Variants in OXR1 observed in about 807,000 individuals in gnomAD.
OXR1 encodes oxidation resistance protein 1.
OXR1 carries 41 observed loss-of-function variants against 104.6 expected under a neutral mutation model. The observed-to-expected ratio is 0.39, with a 90% CI of 0.31 to 0.51. The LOEUF is 0.51. Among genes scored for constraint, OXR1 ranks in the 20% least tolerant of loss-of-function variants. OXR1 has a pLI of 0.77. For missense variants in OXR1, 955 were observed against 1,031.9 expected, an observed-to-expected ratio of 0.93 and a Z score of 1.02; for synonymous variants, 348 against 348.4, an observed-to-expected ratio of 1.00 and a Z score of 0.01.
chr8:106,537,630 A>G (rs1178005793), intron 3 of OXR1, among the ~76,000 whole-genome samples: 2 of 152,148 alleles, frequency 1.3e-5, no homozygotes, highest in African/African-American at 2.4e-5. Context: ...ATGTATACCT[A>G]TGTAAGAAAC....
chr8:106,528,041 G>T (rs757300104), intron 3 of OXR1, among the ~76,000 whole-genome samples: 1 of 152,096 alleles, frequency 6.6e-6, no homozygotes, highest in Non-Finnish European at 1.5e-5. Context: ...TTCATAAGAC[G>T]ATACTTAGTT....
chr8:106,578,501 A>G (rs1316348568), intron 3 of OXR1, among the ~76,000 whole-genome samples: 1 of 152,230 alleles, frequency 6.6e-6, no homozygotes, highest in African/African-American at 2.4e-5. Context: ...TTAACTTGCG[A>G]GTAAATGAGT....
Position 106,702,962 on chromosome 8 carries a change from T to A in OXR1, c.732T>A (p.His244Gln), listed in dbSNP as rs767197253. Reference protein sequence around the residue: ...VTPNNIMFDPHKNDPLVQENG... With the variant: ...VTPNNIMFDPQKNDPLVQENG... ...CAAATAATATAATGTTTGATCCACA[T>A]AAAAATGACCCTTTGGTTCAAGAGA... The change falls in exon 8 of 17, where the codon CAT becomes CAA. Residue 244 changes from histidine to glutamine, a missense_variant. Around this residue, in one of 2 missense-constraint regions of OXR1, gnomAD observed 849 missense variants for 852.9 expected, o/e 1.00. Transcript: ENST00000517566. 2.5e-6 allele frequency: 4 copies of A among 1,613,692 alleles called. No homozygotes were observed. In the African/African-American group the frequency reaches 5.3e-5, roughly 22 times the overall value.
intron 1 of OXR1, among the ~76,000 whole-genome samples, chr8:106,293,075 C>CA (rs1366818458): frequency 2.0e-5 from 3 of 151,730 alleles, no homozygotes; most frequent in Non-Finnish European, 4.4e-5. Flanking sequence ...AGGTAATGTG[C>CA]AAAAAATGGT....
intron 3 of OXR1, among the ~76,000 whole-genome samples, chr8:106,616,768 C>T (rs1220128643): frequency 2.6e-5 from 4 of 152,192 alleles, no homozygotes; most frequent in African/African-American, 9.7e-5. Context: ...CACTTCATCA[C>T]CTTGTACTAA....
chr8:106,597,004 GATCGC>G (rs1819583388), intron 3 of OXR1, among the ~76,000 whole-genome samples: 1 of 152,054 alleles, frequency 6.6e-6, no homozygotes, highest in Non-Finnish European at 1.5e-5. Context: ...AGTGAGCTGA[GATCGC>G]ACCACTGCAC....
At chr8:106,459,296 T>C (rs1820778670) in intron 2 of OXR1, among the ~76,000 whole-genome samples, 1 of 152,070 alleles carries the variant, frequency 6.6e-6, no homozygotes, top group Non-Finnish European at 1.5e-5. Context: ...AGGGTAAGTT[T>C]GGCCCCCTTC....
At chr8:106,683,806 C>T (rs532014238) in intron 5 of OXR1, among the ~76,000 whole-genome samples, 1 of 152,292 alleles carries the variant, frequency 6.6e-6, no homozygotes, top group African/African-American at 2.4e-5. Flanking sequence ...ATTGATATAT[C>T]ATACTTATTT....
chr8:106,554,821 A>G (rs1816139310), intron 3 of OXR1, among the ~76,000 whole-genome samples: 1 of 152,276 alleles, frequency 6.6e-6, no homozygotes, highest in African/African-American at 2.4e-5. Context: ...TAATATCTTA[A>G]TGCTCATTCT....
At chr8:106,733,635 C>T (rs1481809519) in intron 11 of OXR1, among the ~76,000 whole-genome samples, 2 of 151,570 alleles carry the variant, frequency 1.3e-5, no homozygotes, top group African/African-American at 4.8e-5. Context: ...GGTGAAACCC[C>T]GTCTCTACAA....
At chr8:106,555,446 G>A (rs141018431) in intron 3 of OXR1, among the ~76,000 whole-genome samples, 24 of 152,224 alleles carry the variant, frequency 1.6e-4, no homozygotes, top group African/African-American at 5.8e-4. Flanking sequence ...ATTATATGCT[G>A]TCTAGAAATT....
intron 2 of OXR1, among the ~76,000 whole-genome samples, chr8:106,442,350 C>T (rs956588470): frequency 6.6e-6 from 1 of 152,202 alleles, no homozygotes; most frequent in Non-Finnish European, 1.5e-5. Context: ...CATCGATATT[C>T]ATCAGGGATA....
intron 2 of OXR1, among the ~76,000 whole-genome samples, chr8:106,508,617 A>AT (rs1812326283): frequency 6.6e-6 from 1 of 152,226 alleles, no homozygotes; most frequent in Non-Finnish European, 1.5e-5. Flanking sequence ...ACAAAATGTC[A>AT]TTTTTACTTA....
intron 10 of OXR1, 27 bp from the exon 11 acceptor site, chr8:106,713,796 T>C: frequency 7.1e-7 from 1 of 1,414,998 alleles, no homozygotes; most frequent in Non-Finnish European, 9.4e-7. Flanking sequence ...GAATACTAGG[T>C]ATATTAATAG....
At chr8:106,743,797 C>T (rs192667429) in intron 15 of OXR1, among the ~76,000 whole-genome samples, 7 of 152,168 alleles carry the variant, frequency 4.6e-5, no homozygotes, top group African/African-American at 7.2e-5. Context: ...GATACATGCA[C>T]ACAAATGTTC....
intron 3 of OXR1, among the ~76,000 whole-genome samples, chr8:106,606,992 G>A (rs1013758854): frequency 1.3e-5 from 2 of 152,180 alleles, no homozygotes; most frequent in Non-Finnish European, 2.9e-5. Flanking sequence ...CCAAATGGGT[G>A]TAGAGCCCTA....
At chr8:106,460,304 T>C (rs1056158446) in intron 2 of OXR1, among the ~76,000 whole-genome samples, 1 of 152,196 alleles carries the variant, frequency 6.6e-6, no homozygotes, top group Non-Finnish European at 1.5e-5. Flanking sequence ...AAAGCTGCCT[T>C]TGTCAGTTTC....
At chr8:106,502,562 C>T (rs1026613549) in intron 2 of OXR1, among the ~76,000 whole-genome samples, 1 of 152,110 alleles carries the variant, frequency 6.6e-6, no homozygotes, top group African/African-American at 2.4e-5. Flanking sequence ...TATTTTTTAG[C>T]TAAATGTATT....
intron 2 of OXR1, among the ~76,000 whole-genome samples, chr8:106,459,963 AGTTGACT>A (rs1266296423): frequency 6.6e-6 from 1 of 152,238 alleles, no homozygotes; most frequent in Admixed American, 6.5e-5. Context: ...CTGGCTATAG[AGTTGACT>A]GTTGACTGTC....
Sources: allele counts gnomAD v4.1 joint callset (sites outside exome capture counted in the v4.1 genomes callset), GRCh38; gene constraint gnomAD v4.1.1; regional missense constraint gnomAD v4.1.1; transcripts MANE v1.5; gene names NCBI Gene and HGNC (gene_info 2026-07-23, HGNC 2026-07-21).